HYAL3: variants seen among roughly 807,000 people sequenced by gnomAD.
HYAL3 encodes the protein hyaluronidase-3.
Under a neutral mutation model 29.6 loss-of-function variants are expected in HYAL3, and 25 were observed. The observed-to-expected ratio is 0.85, with a 90% CI of 0.62 to 1.18. The LOEUF (loss-of-function observed/expected upper bound fraction) is 1.18. Ranked by LOEUF, HYAL3 falls within the 50% of genes most tolerant of loss-of-function variation. The pLI, the probability that HYAL3 is intolerant of heterozygous loss-of-function variation, is 0.00. For synonymous variants in HYAL3, 215 were observed against 218.3 expected, an observed-to-expected ratio of 0.99 and a Z score of 0.13; for missense variants, 442 against 548.4, an observed-to-expected ratio of 0.81 and a Z score of 1.94.
At chr3:50,296,196 T>C (rs3774753) in intron 1 of HYAL3, among the ~76,000 whole-genome samples, 31,904 of 152,076 alleles carry the variant, frequency 0.21, 6,849 homozygotes, top group East Asian at 0.6. Flanking sequence ...ACACAGTAGG[T>C]GCTCAGTGAA....
At position 50,293,235 on chromosome 3, in the gene HYAL3, G is replaced by A; in HGVS notation, c.*11C>T. 5 of 1,613,048 alleles carry A rather than the reference G, an allele frequency of 3.1e-6. No homozygotes were observed. The highest frequency in any genetic ancestry group is 3.4e-6 in the Non-Finnish European group (4 of 1,180,022). ...CAGGGAAAAGAAGAGGCAGTGGCAG[G>A]GGCCCTGGCTTTATACTGCTTCTTT... is the stretch of plus-strand genomic sequence containing the variant. On this transcript the variant is annotated 3_prime_UTR_variant, in exon 4 of 4. Coordinates refer to ENST00000336307, the MANE Select transcript of HYAL3 (RefSeq NM_003549.4).
chr3:50,294,710 T>C lies in HYAL3; in HGVS notation c.893A>G (p.Gln298Arg), dbSNP rs781922296. 2 of 1,501,010 alleles carry C rather than the reference T, an allele frequency of 1.3e-6. No individual in the cohort carries two copies. The highest frequency in any genetic ancestry group is 2.3e-5 in the East Asian group (1 of 43,660). 93.0% of individuals were successfully genotyped at this position (1,501,010 alleles called of 1,614,324 possible). The change falls in exon 2 of 4, where the codon CAG becomes CGG. Residue 298 changes from glutamine to arginine, a missense_variant and splice_region_variant. Gln to Arg is a conservative substitution (Grantham distance 43). Transcript: ENST00000336307. ...CCCTAGACCTCAGCTTCCACTTACC[T>C]GGGACAGGAACCTCCCAGATCTCCG... ...THRRSGRFLS[Q>R]DDLVQSIGVS...
chr3:50,295,141 C>T lies in HYAL3; in HGVS notation c.462G>A (p.Gln154=), dbSNP rs587721881. ...AYQAASWAWA[Q]QVFPDLDPQE... ...GAGGGTCCAGGTCAGGGAATACCTG[C>T]TGTGCCCAAGCCCAAGAGGCTGCCT... Residue 154 remains glutamine, a synonymous_variant, in exon 2 of 4, where the codon CAG becomes CAA. Coordinates refer to ENST00000336307, the MANE Select transcript of HYAL3 (RefSeq NM_003549.4). The T allele has an allele frequency of 9.3e-6, 15 of 1,613,598 alleles. No individual in the cohort carries two copies. In the African/African-American group the frequency reaches 1.3e-4, roughly 14 times the overall value.
At position 50,293,163 on chromosome 3, in the gene HYAL3, T is replaced by TAG; in HGVS notation, c.*81_*82dup. 1 of 1,589,390 alleles carries TAG rather than the reference T, an allele frequency of 6.3e-7. No homozygotes were observed. Among genetic ancestry groups the TAG allele is most frequent in the Non-Finnish European group, 8.6e-7 (1 of 1,159,302 alleles). On this transcript the variant is annotated 3_prime_UTR_variant, in exon 4 of 4. Coordinates refer to ENST00000336307, the MANE Select transcript of HYAL3 (RefSeq NM_003549.4). ...TTGGGAGGGTTGACTGTAAACTGAA[T>TAG]AGAGCAAGAGTGGGACAGAGTAGTT...
intron 1 of HYAL3, chr3:50,296,602 C>T (rs1553711181): frequency 6.2e-7 from 1 of 1,613,848 alleles, no homozygotes; most frequent in East Asian, 2.2e-5. Flanking sequence ...CCTGGATGGC[C>T]TCAGATGTCT....
chr3:50,297,775 G>A lies in HYAL3; in HGVS notation c.-18+1438C>T, dbSNP rs1701914048. 1 of 1,252,810 alleles carries A rather than the reference G, an allele frequency of 8.0e-7. No individual in the cohort carries two copies. The highest frequency in any genetic ancestry group is 1.5e-5 in the African/African-American group (1 of 64,830). 77.6% of individuals were successfully genotyped at this position (1,252,810 alleles called of 1,614,324 possible). A position where few individuals can be genotyped will look rare whatever the true frequency, so the allele number is the denominator to read the frequency against. ...GGGGACCATGCATACTGGAACTGGG[G>A]AGTGGTGGGCTGCACTTTGTCCCAC... On this transcript the variant is annotated intron_variant, in intron 1 of 3. Coordinates refer to ENST00000336307, the MANE Select transcript of HYAL3 (RefSeq NM_003549.4). The surrounding 1 kb of genome is among the most constrained non-coding windows in gnomAD (Gnocchi z 4.3).
Position 50,295,465 on chromosome 3 carries a change from A to G in HYAL3, c.138T>C (p.Phe46=), listed in dbSNP as rs1553710940. The G allele has an allele frequency of 6.2e-7, 1 of 1,613,992 alleles. No homozygotes were observed. The highest frequency in any genetic ancestry group is 2.2e-5 in the East Asian group (1 of 44,884). Residue 46 remains phenylalanine, a synonymous_variant, in exon 2 of 4, where the codon TTT becomes TTC. Coordinates refer to ENST00000336307, the MANE Select transcript of HYAL3 (RefSeq NM_003549.4). ...GAGCATTGAGTGGCAGGTGCACACC[A>G]AAGCGGGCCTCACAGTGTGCTGAGG... ...NVPSAHCEAR[F]GVHLPLNALG... is the part of the protein sequence containing the mutation.
chr3:50,293,687 G>T lies in HYAL3; in HGVS notation c.929C>A (p.Ala310Glu), dbSNP rs1553710472. 6.2e-7 allele frequency: 1 copy of T among 1,613,776 alleles called. No homozygotes were observed. The highest frequency in any genetic ancestry group is 8.5e-7 in the Non-Finnish European group (1 of 1,180,034). Residue 310 changes from alanine to glutamate, a missense_variant, in exon 3 of 4, where the codon GCA (alanine) becomes GAA (glutamate). Ala to Glu is a moderately radical substitution (Grantham distance 107). Coordinates refer to ENST00000336307, the MANE Select transcript of HYAL3 (RefSeq NM_003549.4). ...DLVQSIGVSA[A>E]LGAAGVVLWG... Reference sequence around the variant, plus strand: ...GAGCACCACGCCGGCTGCCCCTAGTGCTGCACTCACACCAATGGACTGCAC... The same window carrying T: ...GAGCACCACGCCGGCTGCCCCTAGTTCTGCACTCACACCAATGGACTGCAC...
Position 50,294,785 on chromosome 3 carries a change from A to T in HYAL3, c.818T>A (p.Val273Asp). The part of the protein sequence containing the change: ...RLEEAFRVAL[V>D]GHRHPLPVLA... ...GACAGGCAGGGGATGTCGGTGCCCA[A>T]CAAGGGCCACACGGAAGGCCTCCTC... is the stretch of plus-strand genomic sequence containing the variant. Residue 273 changes from valine to aspartate, a missense_variant, in exon 2 of 4, where the codon GTT (valine) becomes GAT (aspartate). Transcript: ENST00000336307. 6.6e-7 allele frequency: 1 copy of T among 1,516,116 alleles called. No homozygotes were observed. The highest frequency in any genetic ancestry group is 1.3e-5 in the South Asian group (1 of 76,662). 93.9% of individuals were successfully genotyped at this position (1,516,116 alleles called of 1,614,324 possible).
Position 50,299,343 on chromosome 3 carries a change from G to T in HYAL3, c.-148C>A, listed in dbSNP as rs1702021011. ...GCGGTGCGGCGGATGTTCTGCAGCC[G>T]TCGCGTCCTGCGGCACGCCACGGCG... is the stretch of plus-strand genomic sequence containing the variant. On this transcript the variant is annotated 5_prime_UTR_variant, in exon 1 of 4. Transcript: ENST00000336307. 9 of 1,572,232 alleles carry T rather than the reference G, an allele frequency of 5.7e-6. No homozygotes were observed. The highest frequency in any genetic ancestry group is 6.9e-6 in the Non-Finnish European group (8 of 1,161,512).
At position 50,299,123 on chromosome 3, in the gene HYAL3, G is replaced by A. The variant is rs148471198; in HGVS notation, c.-18+90C>T. On this transcript the variant is annotated intron_variant, in intron 1 of 3. Transcript: ENST00000336307. ...TGGTCTGGAAACGAACGACTGACGC[G>A]GGGAGGGCGTGCAGGGTGGCATGGC... 7.0e-3 allele frequency: 11,323 copies of A among 1,612,400 alleles called. 52 individuals are homozygous for A. Among genetic ancestry groups the A allele is most frequent in the Non-Finnish European group, 7.8e-3 (9,173 of 1,179,868 alleles).
chr3:50,298,122 C>T (rs1575505052), intron 1 of HYAL3: 6 of 983,810 alleles, frequency 6.1e-6, no homozygotes, highest in East Asian at 1.1e-4. Flanking sequence ...AGACACTATA[C>T]CCCCTGCTCA....
rs1553710952 is a variant in HYAL3 at position 50,295,495 on chromosome 3, A to G, written c.108T>C (p.Asn36=). 1 of 1,612,478 alleles carries G rather than the reference A, an allele frequency of 6.2e-7. No individual in the cohort carries two copies. Residue 36 remains asparagine (N), a synonymous_variant, in exon 2 of 4, where the codon AAT becomes AAC. Transcript: ENST00000336307. The part of the protein sequence containing the change: ...VPERPFSVLW[N]VPSAHCEARF... ...GGGCCTCACAGTGTGCTGAGGGTAC[A>G]TTCCACAGCACAGAGAAGGGGCGTT... is the stretch of plus-strand genomic sequence containing the variant.
At chr3:50,296,136 A>G (rs1454801039) in intron 1 of HYAL3, among the ~76,000 whole-genome samples, 1 of 152,212 alleles carries the variant, frequency 6.6e-6, no homozygotes, top group Non-Finnish European at 1.5e-5. Flanking sequence ...CTGCTACTGT[A>G]TGCCTGTTTG....
chr3:50,294,912 G>A lies in HYAL3; in HGVS notation c.691C>T (p.Leu231=), dbSNP rs1553710739. ...CTGGAGGCGGCCCAGAGCCAATGCA[G>A]TTGAGTGTTGCGGGCAAGGGTGGCT... ...HAATLARNTQ[L]HWLWAASSAL... is the part of the protein sequence containing the mutation. Residue 231 remains leucine, a synonymous_variant, in exon 2 of 4, where the codon CTG becomes TTG. Transcript: ENST00000336307. The A allele has an allele frequency of 6.3e-7, 1 of 1,591,690 alleles. No individual in the cohort carries two copies. Among genetic ancestry groups the A allele is most frequent in the Non-Finnish European group, 8.6e-7 (1 of 1,163,972 alleles).
intron 1 of HYAL3, 49 bp from the exon 2 acceptor site, chr3:50,295,668 AC>A: frequency 7.0e-7 from 1 of 1,432,856 alleles, no homozygotes; most frequent in Non-Finnish European, 9.3e-7. Flanking sequence ...CTATGGCCAC[AC>A]CTTCCACATG....
In HYAL3 at chr3:50,295,529, T is replaced by C. The variant is rs374864614; in HGVS notation, c.74A>G (p.Gln25Arg). The C allele has an allele frequency of 4.0e-5, 63 of 1,594,204 alleles. No individual in the cohort carries two copies. The highest frequency in any genetic ancestry group is 5.1e-5 in the Non-Finnish European group (60 of 1,169,560). The change falls in exon 2 of 4, where the codon CAG becomes CGG. Residue 25 changes from glutamine to arginine, a missense_variant. By Grantham distance (43) the Gln-to-Arg change is conservative. Transcript: ENST00000336307. ...CACAGAGAAGGGGCGTTCAGGGACC[T>C]GTGGTAGGGGCTGGCCACAACCCAG... ...LCLGCGQPLP[Q>R]VPERPFSVLW...
At position 50,295,634 on chromosome 3, in the gene HYAL3, G is replaced by C; in HGVS notation, c.-17-15C>G. 15 of 1,517,180 alleles carry C rather than the reference G, an allele frequency of 9.9e-6. No homozygotes were observed. Among genetic ancestry groups the C allele is most frequent in the Non-Finnish European group, 1.1e-5 (13 of 1,133,192 alleles). 94.0% of individuals were successfully genotyped at this position (1,517,180 alleles called of 1,614,324 possible). A position where few individuals can be genotyped will look rare whatever the true frequency, so the allele number is the denominator to read the frequency against. On this transcript the variant is annotated splice_polypyrimidine_tract_variant and intron_variant, in intron 1 of 3. Transcript: ENST00000336307. ...AGGATGGAAACCTGCAGGAGAGAGG[G>C]GGGTGTAAGCTTAGAGTCCGCAGCT...
chr3:50,298,340 T>C (rs1014362905), intron 1 of HYAL3, among the ~76,000 whole-genome samples: 1 of 152,084 alleles, frequency 6.6e-6, no homozygotes, highest in South Asian at 2.1e-4. Flanking sequence ...CTGGAGCCCA[T>C]GGCCCCCTTC....
Sources: gnomAD v4.1 joint callset for allele counts (sites outside exome capture counted in the v4.1 genomes callset) on GRCh38, gnomAD v4.1.1 for gene constraint, Gnocchi (gnomAD v3.1) non-coding constraint, MANE v1.5 for transcripts, NCBI Gene and HGNC (gene_info 2026-07-23, HGNC 2026-07-21) for gene names.